Variants in SLC17A9 observed in about 807,000 individuals in gnomAD.
SLC17A9 encodes voltage-gated purine nucleotide uniporter SLC17A9.
Under a neutral mutation model 55.0 loss-of-function variants are expected in SLC17A9, and 49 were observed. That is an observed-to-expected ratio of 0.89 (90% CI 0.71 to 1.13). The LOEUF is 1.13. Ranked by LOEUF, SLC17A9 falls within the 50% of genes most tolerant of loss-of-function variation. The pLI is 0.00. For missense variants in SLC17A9, 526 were observed against 569.3 expected, an observed-to-expected ratio of 0.92 and a Z score of 0.77; for synonymous variants, 256 against 247.4, an observed-to-expected ratio of 1.03 and a Z score of -0.32.
chr20:62,959,409 T>G (rs1458639002), intron 3 of SLC17A9, among the ~76,000 whole-genome samples: 2 of 152,224 alleles, frequency 1.3e-5, no homozygotes, highest in African/African-American at 4.8e-5. Flanking sequence ...CGTCTCAATG[T>G]CAGATGTCAT....
intron 8 of SLC17A9, chr20:62,964,867 C>T (rs1280249326): frequency 5.6e-6 from 3 of 537,690 alleles, no homozygotes; most frequent in Non-Finnish European, 9.9e-6. Flanking sequence ...TCGCCTGTTT[C>T]CGCCTCTGTA....
Position 62,966,983 on chromosome 20 carries a change from A to C in SLC17A9, c.1147+251A>C, listed in dbSNP as rs1196103515. ...AGATATGTTCCCATCCTGGTAGCCC[A>C]GGGTCCCCGGGACACCTCCTGGCCC... is the stretch of plus-strand genomic sequence containing the variant. On this transcript the variant is annotated intron_variant, in intron 12 of 12. Transcript: ENST00000370351. 1.7e-5 allele frequency: 10 copies of C among 587,600 alleles called. No homozygotes were observed. The Admixed American group carries it at 3.3e-4, about 20-fold the overall frequency. 36.4% of individuals were successfully genotyped at this position (587,600 alleles called of 1,614,324 possible).
Position 62,968,895 on chromosome 20 carries a change from A to G in SLC17A9, c.*1395A>G, listed in dbSNP as rs2065661644. The G allele has an allele frequency of 6.6e-6, 1 of 152,286 alleles. No homozygotes were observed. Among genetic ancestry groups the G allele is most frequent in the Non-Finnish European group, 1.5e-5 (1 of 68,066 alleles). The allele number at this position is 152,286 out of a possible 1,614,324, so 9.4% of individuals were successfully genotyped here. On this transcript the variant is annotated 3_prime_UTR_variant, in exon 13 of 13. Transcript: ENST00000370351. ...GGGCCCCCATGGAGTCAGACAGCCCAGCTGTGCTGTGGAAAGACAAAGTGG... is the reference window on the plus strand; with the variant it reads ...GGGCCCCCATGGAGTCAGACAGCCCGGCTGTGCTGTGGAAAGACAAAGTGG...
rs1171447576 is a variant in SLC17A9, at chr20:62,963,191, C to T, written c.629-82C>T. ...CGAGGCCTGCTGACCCCTCTGGAAC[C>T]ACCCCCAAATCCCCAATCCTTTGGC... On this transcript the variant is annotated intron_variant, in intron 5 of 12. Coordinates refer to ENST00000370351, the MANE Select transcript of SLC17A9 (RefSeq NM_022082.4). 5 of 1,456,160 alleles carry T rather than the reference C, an allele frequency of 3.4e-6. No homozygotes were observed. The African/African-American group carries it at 6.9e-5, about 20-fold the overall frequency. 90.2% of individuals were successfully genotyped at this position (1,456,160 alleles called of 1,614,324 possible). A position where few individuals can be genotyped will look rare whatever the true frequency, so the allele number is the denominator to read the frequency against.
rs1248031642 is a variant in SLC17A9 at position 62,963,359 on chromosome 20, C to T, written c.715C>T (p.Pro239Ser). The part of the protein sequence containing the change: ...RVPWRRLFRK[P>S]AVWAAVVSQL... The stretch of plus-strand genomic sequence containing the variant: ...CCCCTGGAGACGGCTCTTCCGGAAG[C>T]CTGCTGTCTGGTGAGCTGGGACCTG... Residue 239 changes from proline (P) to serine (S), a missense_variant, in exon 6 of 13, where the codon CCT becomes TCT. Transcript: ENST00000370351. 2 of 1,613,436 alleles carry T rather than the reference C, an allele frequency of 1.2e-6. No individual in the cohort carries two copies. The highest frequency in any genetic ancestry group is 2.7e-5 in the African/African-American group (2 of 74,948).
chr20:62,969,457 G>A lies in SLC17A9; in HGVS notation c.*1957G>A, dbSNP rs1030185668. 6.6e-6 allele frequency: 1 copy of A among 152,152 alleles called. No individual in the cohort carries two copies. Among genetic ancestry groups the A allele is most frequent in the Non-Finnish European group, 1.5e-5 (1 of 68,026 alleles). 9.4% of individuals were successfully genotyped at this position (152,152 alleles called of 1,614,324 possible). On this transcript the variant is annotated 3_prime_UTR_variant, in exon 13 of 13. Transcript: ENST00000370351. ...TGGCTGCTCTGGGACCAGTGCCAGT[G>A]GGCGCACGCTGGGTTTGCCTACGTC...
chr20:62,957,761 T>A (rs191722603), intron 3 of SLC17A9, among the ~76,000 whole-genome samples, 181 bp downstream of exon 3: 12 of 142,250 alleles, frequency 8.4e-5, no homozygotes, highest in Non-Finnish European at 1.2e-4. Context: ...AGTGTGTGTA[T>A]GGCATGCCCG....
chr20:62,957,003 G>A lies in SLC17A9; in HGVS notation c.257+41G>A, dbSNP rs751720921. 3.1e-6 allele frequency: 5 copies of A among 1,610,518 alleles called. No homozygotes were observed. The Admixed American group carries it at 5.0e-5, about 16-fold the overall frequency. ...CCCCATCTCCTGGCTGGTGGGGGCCGCCCCACTGGGGCCTCCAGGGGCGAG... is the reference window on the plus strand; with the variant it reads ...CCCCATCTCCTGGCTGGTGGGGGCCACCCCACTGGGGCCTCCAGGGGCGAG... On this transcript the variant is annotated intron_variant, in intron 2 of 12. Transcript: ENST00000370351.
chr20:62,965,563 T>C (rs776038774), intron 9 of SLC17A9, 47 bp from the exon 10 acceptor site: 27 of 1,565,972 alleles, frequency 1.7e-5, no homozygotes, highest in Non-Finnish European at 2.4e-5. Flanking sequence ...AGGGCCCTGC[T>C]GCAGGCGGGC....
intron 1 of SLC17A9, among the ~76,000 whole-genome samples, chr20:62,955,442 G>A (rs575377920): frequency 2.6e-4 from 40 of 152,012 alleles, no homozygotes; most frequent in Non-Finnish European, 3.4e-4. Context: ...CACCATGCCC[G>A]GCCCTGGCTA....
At chr20:62,960,399 G>A in intron 3 of SLC17A9, 105 bp from the exon 4 acceptor site, 1 of 1,050,008 alleles carries the variant, frequency 9.5e-7, no homozygotes, top group Non-Finnish European at 1.4e-6. Flanking sequence ...GTGAGCTAGA[G>A]GGACAGGTGG....
intron 5 of SLC17A9, 154 bp from the exon 6 acceptor site, chr20:62,963,119 G>A: frequency 1.3e-6 from 1 of 768,144 alleles, no homozygotes; most frequent in Non-Finnish European, 2.2e-6. Context: ...GTGTCTGGTA[G>A]GGGAGGCCAA....
At chr20:62,964,124 C>T in intron 7 of SLC17A9, 104 bp from the exon 8 acceptor site, 1 of 1,164,844 alleles carries the variant, frequency 8.6e-7, no homozygotes, top group South Asian at 1.2e-5. Flanking sequence ...GGAGAGCTTT[C>T]CTGGGCAGTG....
At chr20:62,959,310 C>T (rs2065569044) in intron 3 of SLC17A9, among the ~76,000 whole-genome samples, 1 of 152,238 alleles carries the variant, frequency 6.6e-6, no homozygotes, top group Admixed American at 6.5e-5. Context: ...GCTCCAGCTG[C>T]GCTTCCTCTG....
Position 62,959,110 on chromosome 20 carries a change from G to A in SLC17A9, c.398-1394G>A, listed in dbSNP as rs116685333. On this transcript the variant is annotated intron_variant, in intron 3 of 12. Transcript: ENST00000370351. ...TGGGGGCCCTCATCTTTGTTTACTG[G>A]AGGGTCTTCGGGGTGAGGGAGGAGG... Among the ~76,000 whole-genome samples the A allele has an allele frequency of 2.8e-3, 420 of 152,298 alleles. 1 individual carries two copies. The highest frequency in any genetic ancestry group is 8.9e-3 in the African/African-American group (368 of 41,570).
At position 62,965,313 on chromosome 20, in the gene SLC17A9, A is replaced by G. The variant is rs905156689; in HGVS notation, c.945+147A>G. On this transcript the variant is annotated intron_variant, in intron 9 of 12. Transcript: ENST00000370351. ...CCATGTGTCCAGCACTGGGGCCCAG[A>G]AGGGGCTGTTTAGACAGCTGTTGGG... The G allele has an allele frequency of 3.6e-6, 4 of 1,104,290 alleles. No homozygotes were observed. In the African/African-American group the frequency reaches 6.2e-5, roughly 17 times the overall value. The allele number at this position is 1,104,290 out of a possible 1,614,324, so 68.4% of individuals were successfully genotyped here. A position where few individuals can be genotyped will look rare whatever the true frequency, so the allele number is the denominator to read the frequency against.
chr20:62,965,002 G>T, intron 8 of SLC17A9, 130 bp from the exon 9 acceptor site: 1 of 1,068,368 alleles, frequency 9.4e-7, no homozygotes, highest in Non-Finnish European at 1.4e-6. Context: ...CTGCAGCACG[G>T]GATAGCTGTC....
In SLC17A9 at chr20:62,967,712, G is replaced by T. The variant is rs1220591076; in HGVS notation, c.*212G>T. ...TCCAGACCAGGCTCGCTGCTCTCTG[G>T]GCCTCAGTTTCCCCACCTGCCAGCG... On this transcript the variant is annotated 3_prime_UTR_variant, in exon 13 of 13. Transcript: ENST00000370351. The T allele has an allele frequency of 7.4e-6, 4 of 540,010 alleles. No individual in the cohort carries two copies. The highest frequency in any genetic ancestry group is 1.3e-5 in the Non-Finnish European group (4 of 311,602). The allele number at this position is 540,010 out of a possible 1,614,324, so 33.5% of individuals were successfully genotyped here.
At chr20:62,961,513 C>T (rs1021212927) in intron 4 of SLC17A9, among the ~76,000 whole-genome samples, 4 of 152,160 alleles carry the variant, frequency 2.6e-5, no homozygotes, top group African/African-American at 7.2e-5. Context: ...GGGAGGCCTT[C>T]CCGGTGGTTG....
Sources: allele counts gnomAD v4.1 joint callset (sites outside exome capture counted in the v4.1 genomes callset), GRCh38; gene constraint gnomAD v4.1.1; transcripts MANE v1.5; gene names NCBI Gene and HGNC (gene_info 2026-07-23, HGNC 2026-07-21).